PTPN21: variants seen among roughly 807,000 people sequenced by gnomAD.
PTPN21 encodes the protein tyrosine-protein phosphatase non-receptor type 21.
Under a neutral mutation model 131.8 loss-of-function variants are expected in PTPN21, and 77 were observed. That is an observed-to-expected ratio of 0.58 (90% confidence interval 0.49 to 0.71). The LOEUF (loss-of-function observed/expected upper bound fraction) is 0.71, where lower values mean the gene tolerates loss of function less well. PTPN21 is among the 30% of genes least tolerant of loss of function. The pLI is 0.00. For synonymous variants in PTPN21, 715 were observed against 621.3 expected (o/e 1.15, Z -2.24); for missense variants, 1,552 against 1,527.1 (o/e 1.02, Z -0.27).
At chr14:88,496,182 C>A (rs955803742) in intron 10 of PTPN21, among the ~76,000 whole-genome samples, 3 of 152,062 alleles carry the variant, frequency 2.0e-5, no homozygotes, top group Non-Finnish European at 4.4e-5. Context: ...GGATATTATT[C>A]CCTTTTTACC....
chr14:88,518,273 T>TATATACAC lies in PTPN21; in HGVS notation c.181-1013_181-1012insGTGTATAT, dbSNP rs763756368. Among the ~76,000 whole-genome samples the TATATACAC allele has an allele frequency of 4.5e-3, 309 of 68,176 alleles. 4 individuals carry two copies. The highest frequency in any genetic ancestry group is 0.017 in the African/African-American group (241 of 13,786). The allele number at this position is 68,176 out of a possible 152,430, so 44.7% of individuals were successfully genotyped here. On this transcript the variant is annotated intron_variant, in intron 2 of 18. Transcript: ENST00000556564. Reference sequence around the variant, plus strand: ...AAAAAAAAATATATATATATATATATACACACACACATACGCACACACACA... The same window carrying TATATACAC: ...AAAAAAAAATATATATATATATATATATATACACACACACACACATACGCACACACACA...
chr14:88,550,513 T>A lies in PTPN21; in HGVS notation c.-96A>T, dbSNP rs1340786945. On this transcript the variant is annotated 5_prime_UTR_variant, in exon 2 of 19. Transcript: ENST00000556564. Reference sequence around the variant, plus strand: ...CCAGGAGAAAGCGATCCTCTCCGGATGGGACGAACACTGTCCGGCCTCCAG... The same window carrying A: ...CCAGGAGAAAGCGATCCTCTCCGGAAGGGACGAACACTGTCCGGCCTCCAG... The A allele has an allele frequency of 1.7e-6, 2 of 1,189,650 alleles. No individual in the cohort carries two copies. Among genetic ancestry groups the A allele is most frequent in the Non-Finnish European group, 2.4e-6 (2 of 846,652 alleles). 73.7% of individuals were successfully genotyped at this position (1,189,650 alleles called of 1,614,324 possible).
In PTPN21 at chr14:88,467,956, C is replaced by T. The variant is rs963474692; in HGVS notation, c.*181G>A. ...TGAGCACCTTTCCCAGGTTAGAAAC[C>T]CCTCTTCAGCCTGTGCTTCGCACGT... On this transcript the variant is annotated 3_prime_UTR_variant, in exon 19 of 19. Transcript: ENST00000556564. 2.5e-6 allele frequency: 2 copies of T among 805,362 alleles called. No homozygotes were observed. Among genetic ancestry groups the T allele is most frequent in the Admixed American group, 2.4e-5 (1 of 42,092 alleles). 49.9% of individuals were successfully genotyped at this position (805,362 alleles called of 1,614,324 possible). A position where few individuals can be genotyped will look rare whatever the true frequency, so the allele number is the denominator to read the frequency against.
chr14:88,551,133 C>T (rs987554253), intron 1 of PTPN21: 1 of 152,168 alleles, frequency 6.6e-6, no homozygotes, highest in Non-Finnish European at 1.5e-5. Context: ...TGATTCAAAC[C>T]CGGTGAGGTG....
intron 12 of PTPN21, among the ~76,000 whole-genome samples, chr14:88,483,347 T>C (rs2077681415): frequency 6.6e-6 from 1 of 151,866 alleles, no homozygotes; most frequent in South Asian, 2.1e-4. Context: ...AGACTAACAA[T>C]GCAGAGGACA....
intron 15 of PTPN21, 114 bp from the exon 16 acceptor site, chr14:88,470,164 AAG>A: frequency 1.0e-6 from 1 of 967,870 alleles, no homozygotes; most frequent in Non-Finnish European, 1.5e-6. Context: ...AAAAGTAAAA[AAG>A]TAGTAAACTG....
chr14:88,531,675 A>G (rs1226984800), intron 2 of PTPN21, among the ~76,000 whole-genome samples: 1 of 152,196 alleles, frequency 6.6e-6, no homozygotes, highest in Non-Finnish European at 1.5e-5. Flanking sequence ...AAAGTCTGAA[A>G]GAGCACACAG....
chr14:88,478,692 C>T (rs1431095744), intron 13 of PTPN21, among the ~76,000 whole-genome samples: 3 of 152,206 alleles, frequency 2.0e-5, no homozygotes, highest in Non-Finnish European at 4.4e-5. Context: ...TACCTTTTCA[C>T]TTCATCTATA....
intron 11 of PTPN21, 131 bp from the exon 12 acceptor site, chr14:88,485,291 A>T: frequency 1.9e-6 from 1 of 531,888 alleles, no homozygotes; most frequent in Non-Finnish European, 3.2e-6. Context: ...ATGGAAAATA[A>T]ACATGAAGAC....
chr14:88,537,348 T>C (rs1220934019), intron 2 of PTPN21, among the ~76,000 whole-genome samples: 1 of 152,172 alleles, frequency 6.6e-6, no homozygotes, highest in Non-Finnish European at 1.5e-5. Flanking sequence ...GATGAACTGC[T>C]TATCTCTTTT....
intron 2 of PTPN21, among the ~76,000 whole-genome samples, chr14:88,517,808 ATG>A (rs1334481152): frequency 1.4e-5 from 2 of 146,494 alleles, no homozygotes; most frequent in African/African-American, 2.5e-5. Context: ...ATGTGTATTT[ATG>A]TGTGTATGTG....
chr14:88,521,160 T>G (rs2078385533), intron 2 of PTPN21, among the ~76,000 whole-genome samples: 2 of 152,072 alleles, frequency 1.3e-5, no homozygotes, highest in Non-Finnish European at 1.5e-5. Context: ...CACTATATTT[T>G]TAAAAATATC....
intron 8 of PTPN21, 120 bp downstream of exon 8, chr14:88,500,663 T>C (rs2077993544): frequency 1.4e-6 from 1 of 691,988 alleles, no homozygotes. Context: ...AAGGGAATTA[T>C]TTCCATTTTT....
Position 88,472,228 on chromosome 14 carries a change from G to C in PTPN21, c.2871+16C>G. 1 of 1,484,540 alleles carries C rather than the reference G, an allele frequency of 6.7e-7. No homozygotes were observed. Among genetic ancestry groups the C allele is most frequent in the African/African-American group, 1.4e-5 (1 of 72,304 alleles). 92.0% of individuals were successfully genotyped at this position (1,484,540 alleles called of 1,614,324 possible). A position where few individuals can be genotyped will look rare whatever the true frequency, so the allele number is the denominator to read the frequency against. ...AAACTGCATGTGCTGTTGATTACTT[G>C]AGGCGTTCCTCTCACCTTAATATGT... On this transcript the variant is annotated intron_variant, in intron 15 of 18. Coordinates refer to ENST00000556564, the MANE Select transcript of PTPN21 (RefSeq NM_007039.4).
In PTPN21 at chr14:88,479,695, G is replaced by A; in HGVS notation, c.1736C>T (p.Pro579Leu). ...GATGTAAAGGTGGCGGGACAGGTCT[G>A]GCGTGCTGTTGGCGGGCCTGGGGGG... ...YPPPRPANSTPDLSRHLYISS... is the reference protein window; with the variant it reads ...YPPPRPANSTLDLSRHLYISS... Residue 579 changes from proline (P) to leucine (L), a missense_variant, in exon 13 of 19, where the codon CCA becomes CTA. Physicochemically the swap from Pro to Leu is moderately conservative, Grantham distance 98. This residue lies in a region of PTPN21 where 1,016 missense variants were observed against 883.5 expected (regional missense o/e 1.15). Transcript: ENST00000556564. 6.6e-7 allele frequency: 1 copy of A among 1,517,858 alleles called. No homozygotes were observed. The highest frequency in any genetic ancestry group is 8.8e-7 in the Non-Finnish European group (1 of 1,142,134). 94.0% of individuals were successfully genotyped at this position (1,517,858 alleles called of 1,614,324 possible).
chr14:88,479,872 C>T lies in PTPN21; in HGVS notation c.1559G>A (p.Ser520Asn), dbSNP rs543167890. ...CPFSLSYSFH[S>N]PSPYPYPAER... ...GGCAGGGTAGGGGTAGGGAGACGGG[C>T]TGTGGAAGCTGTAGCTCAGGCTGAA... The change falls in exon 13 of 19, where the codon AGC (serine) becomes AAC (asparagine). Residue 520 changes from serine (S) to asparagine (N), a missense_variant. Ser to Asn is a conservative substitution (Grantham distance 46). This residue lies in a region of PTPN21 where 1,016 missense variants were observed against 883.5 expected (regional missense o/e 1.15). Transcript: ENST00000556564. The T allele has an allele frequency of 3.8e-6, 6 of 1,578,356 alleles. No individual in the cohort carries two copies. Among genetic ancestry groups the T allele is most frequent in the Admixed American group, 3.4e-5 (2 of 59,000 alleles).
intron 2 of PTPN21, among the ~76,000 whole-genome samples, chr14:88,521,262 C>T (rs2078387529): frequency 6.6e-6 from 1 of 152,172 alleles, no homozygotes; most frequent in Admixed American, 6.5e-5. Flanking sequence ...TATTTGATTA[C>T]AACAAAATAC....
chr14:88,478,574 C>G (rs1017141683), intron 13 of PTPN21, among the ~76,000 whole-genome samples: 4 of 152,202 alleles, frequency 2.6e-5, no homozygotes, highest in Non-Finnish European at 4.4e-5. Flanking sequence ...TAATGGGTGG[C>G]TAAAGCAATC....
At chr14:88,546,817 T>C (rs954870379) in intron 2 of PTPN21, among the ~76,000 whole-genome samples, 7 of 152,194 alleles carry the variant, frequency 4.6e-5, no homozygotes, top group Non-Finnish European at 8.8e-5. Context: ...CCCACTCAGA[T>C]TATTTCTGAA....
Sources: allele counts gnomAD v4.1 joint callset (sites outside exome capture counted in the v4.1 genomes callset), GRCh38; gene constraint gnomAD v4.1.1; regional missense constraint gnomAD v4.1.1; transcripts MANE v1.5; gene names NCBI Gene and HGNC (gene_info 2026-07-23, HGNC 2026-07-21).